Variants in STX8 observed in about 807,000 individuals in gnomAD.
STX8 encodes the protein syntaxin-8.
STX8 carries 23 observed loss-of-function variants against 37.5 expected under a neutral mutation model. The ratio of observed to expected loss-of-function variants is 0.61; its 90% confidence interval spans 0.44 to 0.87. The LOEUF is 0.87. Ranked by LOEUF, STX8 falls within the 40% of genes least tolerant of loss-of-function variation. STX8 has a pLI of 0.00. For missense variants in STX8, 313 were observed against 284.7 expected, an observed-to-expected ratio of 1.10 and a Z score of -0.71; for synonymous variants, 115 against 99.1, an observed-to-expected ratio of 1.16 and a Z score of -0.95.
chr17:9,545,046 C>G (rs1448952289), intron 4 of STX8, 126 bp downstream of exon 4: 1 of 638,022 alleles, frequency 1.6e-6, no homozygotes, highest in African/African-American at 1.8e-5. Flanking sequence ...AAATTATAGT[C>G]AAACACCATA....
At chr17:9,498,118 T>G (rs923698347) in intron 5 of STX8, among the ~76,000 whole-genome samples, 6 of 150,372 alleles carry the variant, frequency 4.0e-5, no homozygotes, top group Admixed American at 1.3e-4. Context: ...CCAGGTGCAG[T>G]GGCTCACGCC....
chr17:9,544,290 T>G (rs901439732), intron 4 of STX8, among the ~76,000 whole-genome samples: 2 of 152,042 alleles, frequency 1.3e-5, no homozygotes, highest in African/African-American at 4.8e-5. Context: ...GGAGGCCAAT[T>G]CTAAAGAGGT....
intron 7 of STX8, among the ~76,000 whole-genome samples, chr17:9,256,868 G>A (rs1330146408): frequency 6.6e-6 from 1 of 152,186 alleles, no homozygotes; most frequent in Admixed American, 6.5e-5. Flanking sequence ...TAAACCTCAG[G>A]GGGGTCTACT....
At chr17:9,393,271 C>T (rs144796837) in intron 6 of STX8, among the ~76,000 whole-genome samples, 2 of 152,112 alleles carry the variant, frequency 1.3e-5, no homozygotes, top group African/African-American at 2.4e-5. Context: ...CCTTCAGCAC[C>T]GAGGTGAAAT....
rs1236536828 is a variant in STX8, at chr17:9,556,772, TATATATATATATATATATATATAC to T, written c.212+638_212+661del. ...TAAAATATATATATATATATATATA[TATATATATATATATATATATATAC>T]ACATACATATATATATATATATATT... is the stretch of plus-strand genomic sequence containing the variant. On this transcript the variant is annotated intron_variant, in intron 3 of 7. Transcript: ENST00000306357. 532 of 82,908 alleles carry T rather than the reference TATATATATATATATATATATATAC, an allele frequency of 6.4e-3. 7 individuals are homozygous for T. The highest frequency in any genetic ancestry group is 0.026 in the African/African-American group (511 of 19,822). The allele number at this position is 82,908 out of a possible 1,614,324, so 5.1% of individuals were successfully genotyped here.
At chr17:9,257,492 AG>A (rs1906843604) in intron 7 of STX8, among the ~76,000 whole-genome samples, 1 of 152,110 alleles carries the variant, frequency 6.6e-6, no homozygotes, top group Non-Finnish European at 1.5e-5. Context: ...AAGAATCTGG[AG>A]GCTGACTTTT....
At chr17:9,432,747 T>C (rs567330469) in intron 6 of STX8, among the ~76,000 whole-genome samples, 56 of 152,332 alleles carry the variant, frequency 3.7e-4, no homozygotes, top group African/African-American at 1.3e-3. Flanking sequence ...CCTATTTATT[T>C]TGCTAGCTGG....
At chr17:9,573,025 G>T (rs111755087) in intron 1 of STX8, among the ~76,000 whole-genome samples, 146 of 151,758 alleles carry the variant, frequency 9.6e-4, no homozygotes, top group African/African-American at 3.4e-3. Flanking sequence ...AAGGTGGAGG[G>T]CAACTTAGGA....
chr17:9,314,581 T>C (rs1909316298), intron 7 of STX8, among the ~76,000 whole-genome samples: 1 of 150,830 alleles, frequency 6.6e-6, no homozygotes, highest in Admixed American at 6.6e-5. Flanking sequence ...TTGTATTTTT[T>C]TTTTTTTTAG....
chr17:9,449,476 C>G (rs936570348), intron 6 of STX8, among the ~76,000 whole-genome samples: 1 of 152,154 alleles, frequency 6.6e-6, no homozygotes, highest in African/African-American at 2.4e-5. Context: ...AGGAGAATGG[C>G]GTGAACCCCG....
chr17:9,450,609 G>A (rs770811245), intron 6 of STX8, among the ~76,000 whole-genome samples: 4 of 151,508 alleles, frequency 2.6e-5, no homozygotes, highest in African/African-American at 4.9e-5. Flanking sequence ...AATTTTTACC[G>A]ATGTTCATAG....
Position 9,537,679 on chromosome 17 carries a change from G to A in STX8, c.323+7493C>T, listed in dbSNP as rs190075038. On this transcript the variant is annotated intron_variant, in intron 4 of 7. Transcript: ENST00000306357. ...AAGATACAGAAAAGTGCATGAAGAC[G>A]CTCATTCATTGAGCAATTACTTATT... Among the ~76,000 whole-genome samples the A allele has an allele frequency of 5.3e-5, 8 of 152,262 alleles. No homozygotes were observed. The East Asian group carries it at 1.5e-3, about 29-fold the overall frequency.
chr17:9,386,532 G>A (rs1282830184), intron 6 of STX8, among the ~76,000 whole-genome samples: 1 of 152,096 alleles, frequency 6.6e-6, no homozygotes, highest in Non-Finnish European at 1.5e-5. Context: ...AGGGAGGAAG[G>A]GAAGTCAGGA....
At chr17:9,434,789 T>C (rs1006485906) in intron 6 of STX8, among the ~76,000 whole-genome samples, 1 of 152,216 alleles carries the variant, frequency 6.6e-6, no homozygotes, top group Non-Finnish European at 1.5e-5. Context: ...TGGCTAGCTG[T>C]ATTTATATCT....
intron 3 of STX8, among the ~76,000 whole-genome samples, chr17:9,552,063 G>GAA (rs1480854912): frequency 6.6e-6 from 1 of 152,120 alleles, no homozygotes; most frequent in African/African-American, 2.4e-5. Flanking sequence ...GTATAAATCA[G>GAA]AAAACAGGCT....
intron 6 of STX8, among the ~76,000 whole-genome samples, chr17:9,472,599 G>A (rs74707512): frequency 0.031 from 4,748 of 152,344 alleles, 105 homozygotes; most frequent in Non-Finnish European, 0.045. Flanking sequence ...TTCCTTTGAG[G>A]TTCTCTTTGG....
chr17:9,477,137 C>T (rs1906138831), intron 6 of STX8, among the ~76,000 whole-genome samples: 1 of 152,154 alleles, frequency 6.6e-6, no homozygotes, highest in Admixed American at 6.6e-5. Flanking sequence ...GGATTACAGG[C>T]ACAAGGCACC....
At chr17:9,324,385 G>A (rs112587252) in intron 7 of STX8, among the ~76,000 whole-genome samples, 46 of 152,034 alleles carry the variant, frequency 3.0e-4, no homozygotes, top group African/African-American at 2.2e-4. Flanking sequence ...AGAACATGGC[G>A]CACATTCCAG....
At chr17:9,493,268 A>G (rs1906935428) in intron 5 of STX8, among the ~76,000 whole-genome samples, 1 of 152,206 alleles carries the variant, frequency 6.6e-6, no homozygotes, top group Admixed American at 6.5e-5. Context: ...CTGTCTCTAA[A>G]TAAAAAATAA....
Sources: gnomAD v4.1 joint callset for allele counts (sites outside exome capture counted in the v4.1 genomes callset) on GRCh38, gnomAD v4.1.1 for gene constraint, MANE v1.5 for transcripts, NCBI Gene and HGNC (gene_info 2026-07-23, HGNC 2026-07-21) for gene names.